Variants in HSPA12A observed in about 807,000 individuals in gnomAD.
HSPA12A encodes heat shock protein family A (Hsp70) member 12A, also known as heat shock 70 kDa protein 12A.
Under a neutral mutation model 69.2 loss-of-function variants are expected in HSPA12A, and 28 were observed. The observed-to-expected ratio is 0.40, with a 90% CI of 0.30 to 0.55. The LOEUF (loss-of-function observed/expected upper bound fraction) is 0.55, where lower values mean the gene tolerates loss of function less well. Among genes scored for constraint, HSPA12A ranks in the 20% least tolerant of loss-of-function variants. HSPA12A has a pLI of 0.38. For missense variants in HSPA12A, 686 were observed against 900.7 expected, an observed-to-expected ratio of 0.76 and a Z score of 3.05; for synonymous variants, 345 against 370.5, an observed-to-expected ratio of 0.93 and a Z score of 0.79.
chr10:116,742,630 G>A (rs1554887401), upstream of HSPA12A: 3 of 1,025,478 alleles, frequency 2.9e-6, no homozygotes, highest in East Asian at 8.1e-5. Flanking sequence ...GCTCCTCCCC[G>A]GGCCCCGCCC....
chr10:116,756,678 T>G (rs1843858656), intron 2 of HSPA12A, among the ~76,000 whole-genome samples: 1 of 152,224 alleles, frequency 6.6e-6, no homozygotes, highest in East Asian at 1.9e-4. Flanking sequence ...CAAACCGTTT[T>G]GAAAGGTTTA....
chr10:116,816,592 T>C (rs1230157115), intron 2 of HSPA12A, among the ~76,000 whole-genome samples: 1 of 152,238 alleles, frequency 6.6e-6, no homozygotes, highest in Non-Finnish European at 1.5e-5. Context: ...ACACAGCTCC[T>C]GAAAGCTTAA....
chr10:116,755,386 C>G (rs1383331665), intron 2 of HSPA12A, among the ~76,000 whole-genome samples: 1 of 151,848 alleles, frequency 6.6e-6, no homozygotes, highest in Non-Finnish European at 1.5e-5. Context: ...CTGAGATGAG[C>G]AGATCACTTG....
chr10:116,827,189 G>C (rs1845524347), intron 2 of HSPA12A, among the ~76,000 whole-genome samples: 1 of 152,192 alleles, frequency 6.6e-6, no homozygotes. Flanking sequence ...ACCTTCAGGG[G>C]TCACAATATC....
intron 2 of HSPA12A, among the ~76,000 whole-genome samples, chr10:116,789,711 A>G (rs946064011): frequency 6.6e-6 from 1 of 152,082 alleles, no homozygotes; most frequent in African/African-American, 2.4e-5. Context: ...CAGGATATTG[A>G]CTATCAACAC....
At chr10:116,712,977 A>AATATACATATATATATATATATATATAT (rs1850482461) in intron 1 of HSPA12A, among the ~76,000 whole-genome samples, 1 of 80,858 alleles carries the variant, frequency 1.2e-5, no homozygotes, top group African/African-American at 5.6e-5. Context: ...TAAAAAATGC[A>AATATACATATATATATATATATATATAT]ATATATATAT....
intron 2 of HSPA12A, among the ~76,000 whole-genome samples, chr10:116,810,174 T>C (rs772933776): frequency 2.6e-5 from 4 of 152,188 alleles, no homozygotes; most frequent in African/African-American, 2.4e-5. Flanking sequence ...TTAGCCTCTG[T>C]ACTTCCCTTA....
At chr10:116,707,598 G>A (rs972779903) in intron 1 of HSPA12A, among the ~76,000 whole-genome samples, 2 of 152,346 alleles carry the variant, frequency 1.3e-5, no homozygotes, top group Admixed American at 6.5e-5. Flanking sequence ...GCTCCTGGCT[G>A]TGTTGTCTGT....
intron 1 of HSPA12A, among the ~76,000 whole-genome samples, chr10:116,725,007 G>A (rs941158146): frequency 1.3e-5 from 2 of 152,222 alleles, no homozygotes; most frequent in Non-Finnish European, 2.9e-5. Flanking sequence ...GGAACCAGAA[G>A]CTCTGGAGGT....
At chr10:116,701,215 T>C in intron 3 of HSPA12A, 86 bp from the exon 4 acceptor site, 1 of 1,293,720 alleles carries the variant, frequency 7.7e-7, no homozygotes, top group Non-Finnish European at 1.1e-6. Context: ...ACTGTATGCA[T>C]GAGTGTCAGT....
intron 6 of HSPA12A, among the ~76,000 whole-genome samples, chr10:116,685,431 T>C (rs1849550953): frequency 6.6e-6 from 1 of 151,354 alleles, no homozygotes; most frequent in Non-Finnish European, 1.5e-5. Context: ...GGTCTGGAGT[T>C]CGAGACCAGC....
chr10:116,675,616 G>T lies in HSPA12A; in HGVS notation c.1391-198C>A, dbSNP rs1554877613. Among the ~76,000 whole-genome samples the T allele has an allele frequency of 6.6e-6, 1 of 152,192 alleles. No individual in the cohort carries two copies. The highest frequency in any genetic ancestry group is 2.4e-5 in the African/African-American group (1 of 41,448). On this transcript the variant is annotated intron_variant, in intron 11 of 11. Coordinates refer to ENST00000369209, the MANE Select transcript of HSPA12A (RefSeq NM_025015.3). The surrounding 1 kb of genome is among the most constrained non-coding windows in gnomAD (Gnocchi z 5.2). ...GGAGTTTGCACACCAATATGTTCCGGAATAAAAGCCAGAGCTGCTGCTAAG... is the reference window on the plus strand; with the variant it reads ...GGAGTTTGCACACCAATATGTTCCGTAATAAAAGCCAGAGCTGCTGCTAAG...
intron 1 of HSPA12A, among the ~76,000 whole-genome samples, chr10:116,739,537 CACTCTTCA>C (rs1225956411): frequency 1.8e-4 from 28 of 152,152 alleles, no homozygotes; most frequent in African/African-American, 5.5e-4. Flanking sequence ...ACTTGGTTTC[CACTCTTCA>C]TGTCTAGCCC....
At chr10:116,749,464 A>T (rs1554888096) in intron 2 of HSPA12A, among the ~76,000 whole-genome samples, 1 of 152,166 alleles carries the variant, frequency 6.6e-6, no homozygotes, top group Non-Finnish European at 1.5e-5. Flanking sequence ...AGCTGTTGTG[A>T]CCTAAGAAGA....
chr10:116,778,111 C>T (rs530177329), intron 2 of HSPA12A, among the ~76,000 whole-genome samples: 6 of 152,276 alleles, frequency 3.9e-5, no homozygotes, highest in East Asian at 3.9e-4. Context: ...CAGGAGGAGC[C>T]GCACATCATT....
At position 116,726,716 on chromosome 10, in the gene HSPA12A, C is replaced by T. The variant is rs141278140; in HGVS notation, c.40+15714G>A. ...GCCAGTCTTGGCTTGCTCCGATGAA[C>T]GGCATGGCCCTACTGCCTCCAGGTG... On this transcript the variant is annotated intron_variant, in intron 1 of 11. Coordinates refer to ENST00000369209, the MANE Select transcript of HSPA12A (RefSeq NM_025015.3). Among the ~76,000 whole-genome samples the T allele has an allele frequency of 2.6e-3, 393 of 152,312 alleles. 4 individuals carry two copies. Among genetic ancestry groups the T allele is most frequent in the Admixed American group, 0.018 (272 of 15,300 alleles).
intron 2 of HSPA12A, among the ~76,000 whole-genome samples, chr10:116,773,989 G>A (rs559673587): frequency 5.9e-5 from 9 of 152,042 alleles, no homozygotes; most frequent in South Asian, 2.1e-4. Context: ...GACATGGGGT[G>A]GGGGAACCTG....
At chr10:116,694,134 C>T (rs1343652590) in intron 5 of HSPA12A, among the ~76,000 whole-genome samples, 1 of 152,170 alleles carries the variant, frequency 6.6e-6, no homozygotes, top group Non-Finnish European at 1.5e-5. Flanking sequence ...TGTCAGTTCC[C>T]CAGCGGGTAG....
chr10:116,843,089 T>C (rs1845829476), intron 1 of HSPA12A, among the ~76,000 whole-genome samples: 2 of 152,286 alleles, frequency 1.3e-5, no homozygotes, highest in South Asian at 2.1e-4. Context: ...TTTGAACAAA[T>C]GACTGGAAGG....
Sources: gnomAD v4.1 joint callset for allele counts (sites outside exome capture counted in the v4.1 genomes callset) on GRCh38, gnomAD v4.1.1 for gene constraint, Gnocchi (gnomAD v3.1) non-coding constraint, MANE v1.5 for transcripts, NCBI Gene and HGNC (gene_info 2026-07-23, HGNC 2026-07-21) for gene names.